The following GCSAML variants were observed in gnomAD, a reference collection of about 807,000 sequenced individuals.
GCSAML encodes germinal center associated signaling and motility like.
A neutral mutation model predicts 13.0 loss-of-function variants in GCSAML; 9 were observed. That is an observed-to-expected ratio of 0.69 (90% CI 0.42 to 1.21). The LOEUF is 1.21. Among genes scored for constraint, GCSAML ranks in the 50% most tolerant of loss-of-function variants. GCSAML has a pLI of 0.00. For synonymous variants in GCSAML, 37 were observed against 52.9 expected (o/e 0.70, Z 1.31); for missense variants, 143 against 153.4 (o/e 0.93, Z 0.36).
intron 1 of GCSAML, among the ~76,000 whole-genome samples, chr1:247,509,476 T>C (rs1280141071): frequency 6.6e-6 from 1 of 152,174 alleles, no homozygotes; most frequent in Admixed American, 6.5e-5. Context: ...CTTCCTCTCT[T>C]CCTATATGAA....
intron 1 of GCSAML, among the ~76,000 whole-genome samples, chr1:247,550,338 G>C (rs895975322): frequency 2.6e-5 from 4 of 152,098 alleles, no homozygotes; most frequent in Admixed American, 2.6e-4. Flanking sequence ...ATTGCTATTT[G>C]TTAAAGAGCT....
intron 2 of GCSAML, among the ~76,000 whole-genome samples, chr1:247,534,391 G>A (rs574766269): frequency 2.6e-5 from 4 of 152,270 alleles, no homozygotes; most frequent in African/African-American, 9.6e-5. Context: ...GTAATATGAA[G>A]GCAGAGTGGA....
chr1:247,548,287 T>C (rs756523851), upstream of GCSAML, among the ~76,000 whole-genome samples: 2 of 152,210 alleles, frequency 1.3e-5, no homozygotes, highest in African/African-American at 4.8e-5. The surrounding 1 kb of genome is among the most constrained non-coding windows in gnomAD (Gnocchi z 5.3). Flanking sequence ...GCTGATATTG[T>C]GGCCTCGAAA....
chr1:247,566,147 T>G (rs1332382902), intron 4 of GCSAML, among the ~76,000 whole-genome samples, 188 bp downstream of exon 4: 1 of 152,172 alleles, frequency 6.6e-6, no homozygotes, highest in Non-Finnish European at 1.5e-5. Flanking sequence ...AATGCAGAAA[T>G]GAAAGGAAAT....
intron 2 of GCSAML, among the ~76,000 whole-genome samples, chr1:247,537,285 T>C (rs1667255555): frequency 6.6e-6 from 1 of 152,236 alleles, no homozygotes; most frequent in South Asian, 2.1e-4. Flanking sequence ...ATCTATGTTG[T>C]AGCGTGTATC....
intron 2 of GCSAML, among the ~76,000 whole-genome samples, chr1:247,532,879 G>T (rs200888502): frequency 4.8e-5 from 7 of 144,766 alleles, no homozygotes; most frequent in African/African-American, 1.8e-4. Flanking sequence ...CTGGGTGGGG[G>T]GTGTTCACTG....
At chr1:247,559,565 A>C (rs554972396) in intron 2 of GCSAML, among the ~76,000 whole-genome samples, 2 of 152,182 alleles carry the variant, frequency 1.3e-5, no homozygotes, top group East Asian at 3.9e-4. Context: ...GATAGGGAGG[A>C]TAGAGGGAGG....
upstream of GCSAML, among the ~76,000 whole-genome samples, chr1:247,544,775 A>T (rs538334060): frequency 1.3e-5 from 2 of 152,330 alleles, no homozygotes; most frequent in Admixed American, 1.3e-4. Context: ...GAATCACTTG[A>T]GCCTGGGAGG....
chr1:247,508,610 G>A (rs113957842), intron 1 of GCSAML, among the ~76,000 whole-genome samples: 6 of 152,204 alleles, frequency 3.9e-5, no homozygotes, highest in South Asian at 4.1e-4. Flanking sequence ...GAATGGTACC[G>A]CCTGGATCTT....
At chr1:247,545,668 G>A (rs914183103), upstream of GCSAML, among the ~76,000 whole-genome samples, 21 of 152,146 alleles carry the variant, frequency 1.4e-4, no homozygotes, top group African/African-American at 4.6e-4. Flanking sequence ...TTGGCCATTT[G>A]TATGTCTTCT....
At chr1:247,515,960 C>A (rs1448414606) in intron 1 of GCSAML, among the ~76,000 whole-genome samples, 1 of 152,170 alleles carries the variant, frequency 6.6e-6, no homozygotes, top group Non-Finnish European at 1.5e-5. Flanking sequence ...AGACTCTTAT[C>A]TGTTGGTTGA....
Position 247,549,160 on chromosome 1 carries a change from C to G in GCSAML, c.-32C>G. ...GAACTTCCCCAAGTGGAGTGAAACT[C>G]AGGAGCTGAGAAACCGAGTCACTGT... On this transcript the variant is annotated 5_prime_UTR_variant, in exon 1 of 5. Coordinates refer to ENST00000366488, the MANE Select transcript of GCSAML (RefSeq NM_145278.5). 1 of 1,614,120 alleles carries G rather than the reference C, an allele frequency of 6.2e-7. No individual in the cohort carries two copies. Among genetic ancestry groups the G allele is most frequent in the African/African-American group, 1.3e-5 (1 of 75,046 alleles).
intron 4 of GCSAML, among the ~76,000 whole-genome samples, chr1:247,566,395 A>G (rs1205128534): frequency 2.6e-5 from 4 of 152,222 alleles, no homozygotes. Flanking sequence ...GGTGTGCACC[A>G]CCACACCTGG....
At position 247,522,109 on chromosome 1, in the gene GCSAML, G is replaced by A. The variant is rs562099008; in HGVS notation, c.-262-4831G>A. ...TGAGGAGCCCCTCCGCCTGGCAGCC[G>A]CCCCGTCTGAGAAGTGAGGAGCCCC... On this transcript the variant is annotated intron_variant, in intron 1 of 5. Transcript: ENST00000366489. Among the ~76,000 whole-genome samples, 179 of 150,912 alleles carry A rather than the reference G, an allele frequency of 1.2e-3. 1 individual carries two copies. The highest frequency in any genetic ancestry group is 4.1e-3 in the African/African-American group (170 of 40,984).
chr1:247,572,868 A>G (rs976901878), intron 4 of GCSAML, among the ~76,000 whole-genome samples: 3 of 152,214 alleles, frequency 2.0e-5, no homozygotes, highest in African/African-American at 7.2e-5. Flanking sequence ...GATGCCCTGC[A>G]CAGAGAGGAG....
chr1:247,551,266 C>T (rs1445010870), intron 1 of GCSAML, among the ~76,000 whole-genome samples: 1 of 152,140 alleles, frequency 6.6e-6, no homozygotes, highest in Non-Finnish European at 1.5e-5. Context: ...AAATGTTAGG[C>T]AGACTTACAA....
chr1:247,574,216 C>T lies in GCSAML; in HGVS notation c.242C>T (p.Ser81Phe), dbSNP rs1299057385. Residue 81 changes from serine (S) to phenylalanine (F), a missense_variant, in exon 5 of 5, where the codon TCC (serine) becomes TTC (phenylalanine). By Grantham distance (155) the Ser-to-Phe change is radical. Coordinates refer to ENST00000366488, the MANE Select transcript of GCSAML (RefSeq NM_145278.5). ...AATCACATCCCCCATCAGAGATCCT[C>T]CCTGAGCTCCAATGATGATGGCTAT... ...VINHIPHQRS[S>F]LSSNDDGYEN... is the part of the protein sequence containing the mutation. 1 of 1,614,030 alleles carries T rather than the reference C, an allele frequency of 6.2e-7. No homozygotes were observed. Among genetic ancestry groups the T allele is most frequent in the South Asian group, 1.1e-5 (1 of 91,082 alleles).
intron 1 of GCSAML, among the ~76,000 whole-genome samples, chr1:247,523,075 A>G (rs1666516551): frequency 6.6e-6 from 1 of 152,218 alleles, no homozygotes; most frequent in Non-Finnish European, 1.5e-5. Flanking sequence ...TTTTTAGTAA[A>G]TAAATGAACC....
At chr1:247,540,994 TAAAAG>T (rs1173532394) in intron 2 of GCSAML, among the ~76,000 whole-genome samples, 1 of 152,190 alleles carries the variant, frequency 6.6e-6, no homozygotes, top group African/African-American at 2.4e-5. Flanking sequence ...GTATTAAAAA[TAAAAG>T]AAACTGCTGA....
Sources: gnomAD v4.1 joint callset for allele counts (sites outside exome capture counted in the v4.1 genomes callset) on GRCh38, gnomAD v4.1.1 for gene constraint, Gnocchi (gnomAD v3.1) non-coding constraint, MANE v1.5 for transcripts, NCBI Gene and HGNC (gene_info 2026-07-23, HGNC 2026-07-21) for gene names.